GALNT13: variants seen among roughly 807,000 people sequenced by gnomAD.
GALNT13 encodes polypeptide N-acetylgalactosaminyltransferase 13.
GALNT13 carries 28 observed loss-of-function variants against 64.2 expected under a neutral mutation model. The observed-to-expected ratio is 0.44, with a 90% confidence interval of 0.32 to 0.60. The LOEUF (loss-of-function observed/expected upper bound fraction) is 0.60. GALNT13 is among the 20% of genes least tolerant of loss of function. The pLI is 0.05. For synonymous variants in GALNT13, 214 were observed against 224.6 expected (o/e 0.95, Z 0.42); for missense variants, 577 against 669.8 (o/e 0.86, Z 1.53).
Position 154,180,490 on chromosome 2 carries a change from C to T in GALNT13, c.311+39985C>T, listed in dbSNP as rs1472511093. Among the ~76,000 whole-genome samples the T allele has an allele frequency of 4.6e-5, 7 of 150,816 alleles. No individual in the cohort carries two copies. The South Asian group carries it at 8.4e-4, about 18-fold the overall frequency. The stretch of plus-strand genomic sequence containing the variant: ...TTACAATTTCTTGCTGAAAGATGTA[C>T]GTTTCTACAGTTATAAGTACCTGTT... On this transcript the variant is annotated intron_variant, in intron 4 of 12. Coordinates refer to ENST00000392825, the MANE Select transcript of GALNT13 (RefSeq NM_052917.4).
At chr2:153,836,952 G>A in the GALNT13 span, among the ~76,000 whole-genome samples, 2 of 151,964 alleles carry the variant, frequency 1.3e-5, no homozygotes, top group African/African-American at 2.4e-5. Flanking sequence ...ATTGTGAATA[G>A]TGCCGCAATA....
At chr2:153,745,733 T>C in the GALNT13 span, among the ~76,000 whole-genome samples, 1 of 152,132 alleles carries the variant, frequency 6.6e-6, no homozygotes, top group African/African-American at 2.4e-5. Flanking sequence ...TTGTTGTTTG[T>C]TTTTTGAAAC....
intron 2 of GALNT13, among the ~76,000 whole-genome samples, chr2:153,909,323 A>G (rs947765124): frequency 1.3e-5 from 2 of 152,146 alleles, no homozygotes; most frequent in African/African-American, 4.8e-5. Context: ...TATCAGTTTA[A>G]GGAGCTTTCA....
chr2:154,140,253 A>C, intron 3 of GALNT13, 84 bp from the exon 4 acceptor site: 1 of 1,001,368 alleles, frequency 1.0e-6, no homozygotes, highest in Non-Finnish European at 1.5e-6. Context: ...TATGCTTCAG[A>C]ATCTAATCAG....
the GALNT13 span, among the ~76,000 whole-genome samples, chr2:153,404,188 G>A: frequency 2.6e-5 from 4 of 152,168 alleles, no homozygotes; most frequent in African/African-American, 7.2e-5. Context: ...TTATAGTTCA[G>A]GGTTTTTGAG....
chr2:153,334,763 G>A, the GALNT13 span, among the ~76,000 whole-genome samples: 1 of 152,062 alleles, frequency 6.6e-6, no homozygotes, highest in Non-Finnish European at 1.5e-5. Context: ...ATATTTTTCT[G>A]AAGTCTTTTT....
chr2:153,622,276 C>A, the GALNT13 span, among the ~76,000 whole-genome samples: 4 of 152,154 alleles, frequency 2.6e-5, no homozygotes, highest in African/African-American at 9.6e-5. Context: ...TTAAATTTCA[C>A]AGAGATCCAA....
At chr2:154,128,220 T>C (rs1238281042) in intron 3 of GALNT13, among the ~76,000 whole-genome samples, 2 of 152,116 alleles carry the variant, frequency 1.3e-5, no homozygotes, top group Non-Finnish European at 2.9e-5. Flanking sequence ...GTTTTGGAAC[T>C]AGCATATTTC....
chr2:154,373,509 G>A (rs909325902), intron 9 of GALNT13, among the ~76,000 whole-genome samples: 2 of 152,148 alleles, frequency 1.3e-5, no homozygotes, highest in African/African-American at 4.8e-5. Context: ...TTAGAAAAAT[G>A]TTGTCCAAAA....
chr2:154,376,786 C>T (rs907792443), intron 9 of GALNT13, among the ~76,000 whole-genome samples: 10 of 151,984 alleles, frequency 6.6e-5, no homozygotes, highest in Admixed American at 3.9e-4. Context: ...TCCATGTTTC[C>T]ATAAAGTGAG....
At chr2:153,605,298 A>C in the GALNT13 span, among the ~76,000 whole-genome samples, 10,500 of 152,180 alleles carry the variant, frequency 0.069, 496 homozygotes, top group Non-Finnish European at 0.11. Context: ...GACCAAAATT[A>C]AACTTGCTCT....
the GALNT13 span, among the ~76,000 whole-genome samples, chr2:153,641,280 T>A: frequency 7.9e-5 from 12 of 152,272 alleles, no homozygotes; most frequent in East Asian, 2.3e-3. Context: ...TGAAACAGTG[T>A]CTCACAGTTG....
At chr2:153,326,462 A>T in the GALNT13 span, among the ~76,000 whole-genome samples, 14 of 152,188 alleles carry the variant, frequency 9.2e-5, no homozygotes, top group East Asian at 2.5e-3. Context: ...ATGTCTTTTA[A>T]TTGGAGCATT....
At chr2:154,229,245 A>C (rs1214512446) in intron 4 of GALNT13, among the ~76,000 whole-genome samples, 3 of 152,120 alleles carry the variant, frequency 2.0e-5, no homozygotes, top group Non-Finnish European at 4.4e-5. Flanking sequence ...TTCAATTGAC[A>C]ATTTGACTTT....
chr2:153,432,639 C>G, the GALNT13 span, among the ~76,000 whole-genome samples: 1,759 of 152,158 alleles, frequency 0.012, 46 homozygotes, highest in East Asian at 0.12. Context: ...TGCTGCTTGT[C>G]ATCCACCTGA....
intron 9 of GALNT13, among the ~76,000 whole-genome samples, chr2:154,360,857 G>A (rs753599269): frequency 6.6e-6 from 1 of 152,002 alleles, no homozygotes. Flanking sequence ...GGAAGGATGA[G>A]ATTAATCCAG....
chr2:153,766,377 A>G, the GALNT13 span, among the ~76,000 whole-genome samples: 7 of 152,204 alleles, frequency 4.6e-5, no homozygotes, highest in South Asian at 1.4e-3. Flanking sequence ...GAATTTGGGG[A>G]TTCTTGCACA....
At chr2:153,762,065 A>G in the GALNT13 span, 2 of 152,486 alleles carry the variant, frequency 1.3e-5, no homozygotes, top group African/African-American at 2.4e-5. Context: ...CAGTGTTTAC[A>G]TCTGTCTTTA....
chr2:154,089,670 A>T (rs1701703543), intron 3 of GALNT13, among the ~76,000 whole-genome samples: 1 of 151,742 alleles, frequency 6.6e-6, no homozygotes, highest in Admixed American at 6.6e-5. Flanking sequence ...CGCTTCTCTC[A>T]TGCTCAGCTG....
Sources: allele counts gnomAD v4.1 joint callset (sites outside exome capture counted in the v4.1 genomes callset), GRCh38; gene constraint gnomAD v4.1.1; transcripts MANE v1.5; gene names NCBI Gene and HGNC (gene_info 2026-07-23, HGNC 2026-07-21).